Variants in PCDHGA10 observed in about 807,000 individuals in gnomAD.
PCDHGA10 encodes protocadherin gamma subfamily A, 10.
PCDHGA10 carries 42 observed loss-of-function variants against 59.5 expected under a neutral mutation model. The observed-to-expected ratio is 0.71, with a 90% CI of 0.55 to 0.91. The LOEUF is 0.91. Ranked by LOEUF, PCDHGA10 falls within the 40% of genes least tolerant of loss-of-function variation. The probability of loss-of-function intolerance (pLI) is 0.00; values close to 1 mark genes in which losing one functional copy is unlikely to be tolerated. For missense variants in PCDHGA10, 1,111 were observed against 1,198.2 expected (o/e 0.93, Z 1.07); for synonymous variants, 511 against 517.2 (o/e 0.99, Z 0.16).
chr5:141,422,478 G>C, intron 1 of PCDHGA10: 1 of 1,613,914 alleles, frequency 6.2e-7, no homozygotes, highest in Non-Finnish European at 8.5e-7. Flanking sequence ...AGTTGGTCCA[G>C]AGCTACAATA....
intron 2 of PCDHGA10, among the ~76,000 whole-genome samples, chr5:141,497,809 G>A (rs1256990692): frequency 1.3e-5 from 2 of 152,190 alleles, no homozygotes. Context: ...CAAAGTGCTA[G>A]AATTACAGGT....
Position 141,476,876 on chromosome 5 carries a change from C to A in PCDHGA10, c.2437-17931C>A, listed in dbSNP as rs1201654822. 1.2e-6 allele frequency: 2 copies of A among 1,613,994 alleles called. No individual in the cohort carries two copies. Among genetic ancestry groups the A allele is most frequent in the Non-Finnish European group, 1.7e-6 (2 of 1,180,048 alleles). ...CCAGTCCTTGTACCGGGCGCGCGTC[C>A]TGGAGGATGCACCCTCCGGCACGCG... On this transcript the variant is annotated intron_variant, in intron 1 of 3. Transcript: ENST00000398610. The surrounding 1 kb of genome is among the most constrained non-coding windows in gnomAD (Gnocchi z 7.6).
chr5:141,463,596 C>T (rs922480221), intron 1 of PCDHGA10, among the ~76,000 whole-genome samples: 5 of 151,874 alleles, frequency 3.3e-5, no homozygotes, highest in Admixed American at 2.0e-4. Flanking sequence ...CTACAGGTGC[C>T]TGCCACCATG....
At chr5:141,483,797 G>GCTGCTTTT (rs1255394691) in intron 1 of PCDHGA10, among the ~76,000 whole-genome samples, 3 of 152,174 alleles carry the variant, frequency 2.0e-5, no homozygotes, top group Non-Finnish European at 4.4e-5. Context: ...TCCAGTTGTT[G>GCTGCTTTT]CTGCTTTTTT....
intron 1 of PCDHGA10, chr5:141,478,450 AGCCAGTCCACTGGCCAGCC>A (rs1562070520): frequency 6.2e-7 from 1 of 1,613,572 alleles, no homozygotes. Context: ...AACCTGGTGC[AGCCAGTCCACTGGCCAGCC>A]GCCAGAACAC....
intron 1 of PCDHGA10, among the ~76,000 whole-genome samples, chr5:141,460,070 T>C (rs547558436): frequency 2.0e-5 from 3 of 152,202 alleles, no homozygotes; most frequent in South Asian, 2.1e-4. Flanking sequence ...AGAGTGAGAC[T>C]TCATCTAAAA....
intron 2 of PCDHGA10, 99 bp downstream of exon 2, chr5:141,494,964 G>A (rs2099757882): frequency 1.3e-6 from 2 of 1,594,380 alleles, no homozygotes; most frequent in Non-Finnish European, 8.5e-7. Context: ...GCTACAGATG[G>A]CTTCTCCCTC....
chr5:141,449,932 A>T (rs1275797555), intron 1 of PCDHGA10, among the ~76,000 whole-genome samples: 6 of 151,660 alleles, frequency 4.0e-5, no homozygotes, highest in Non-Finnish European at 5.9e-5. Flanking sequence ...CATACCTTAT[A>T]GTATATTTTA....
In PCDHGA10 at chr5:141,489,621, T is replaced by C. The variant is rs765666746; in HGVS notation, c.2437-5186T>C. 29 of 1,613,978 alleles carry C rather than the reference T, an allele frequency of 1.8e-5. No individual in the cohort carries two copies. The highest frequency in any genetic ancestry group is 1.6e-4 in the Middle Eastern group (1 of 6,084). On this transcript the variant is annotated intron_variant, in intron 1 of 3. Transcript: ENST00000398610. The surrounding 1 kb of genome is among the most constrained non-coding windows in gnomAD (Gnocchi z 4.5). ...TAGAGGTAGAGATCCTGGATCTCAATGACAACTCTCCTAGCTTTGCCACCC... is the reference window on the plus strand; with the variant it reads ...TAGAGGTAGAGATCCTGGATCTCAACGACAACTCTCCTAGCTTTGCCACCC...
chr5:141,495,644 A>C (rs767670166), intron 2 of PCDHGA10, among the ~76,000 whole-genome samples: 1 of 151,770 alleles, frequency 6.6e-6, no homozygotes, highest in African/African-American at 2.4e-5. Flanking sequence ...TCATTTGTCT[A>C]CTTGCATTGA....
chr5:141,455,466 A>G (rs1253494886), intron 1 of PCDHGA10, among the ~76,000 whole-genome samples: 1 of 152,164 alleles, frequency 6.6e-6, no homozygotes, highest in East Asian at 1.9e-4. Flanking sequence ...AGCCAGGTAT[A>G]TATGCAGAGG....
chr5:141,496,916 T>C (rs1252437822), intron 2 of PCDHGA10, among the ~76,000 whole-genome samples: 4 of 148,274 alleles, frequency 2.7e-5, no homozygotes, highest in African/African-American at 9.9e-5. Context: ...CTGGGCACTG[T>C]GGTTCACGCC....
intron 1 of PCDHGA10, chr5:141,442,507 G>C (rs1394231840): frequency 1.3e-5 from 2 of 152,208 alleles, no homozygotes; most frequent in Non-Finnish European, 1.5e-5. Flanking sequence ...TATTCTAATT[G>C]CTTGGGCAGA....
chr5:141,438,122 A>T (rs1272350030), intron 1 of PCDHGA10, among the ~76,000 whole-genome samples: 1 of 152,214 alleles, frequency 6.6e-6, no homozygotes, highest in Non-Finnish European at 1.5e-5. Flanking sequence ...CATTCCTAAA[A>T]TATTAATGGC....
chr5:141,482,380 C>A (rs2099557573), intron 1 of PCDHGA10, among the ~76,000 whole-genome samples: 1 of 151,712 alleles, frequency 6.6e-6, no homozygotes, highest in Non-Finnish European at 1.5e-5. Context: ...ATATAAAGTC[C>A]CTGTATGGAG....
In PCDHGA10 at chr5:141,413,708, C is replaced by G; in HGVS notation, c.533C>G (p.Pro178Arg). The change falls in exon 1 of 4, where the codon CCC (proline) becomes CGC (arginine). Residue 178 changes from proline to arginine, a missense_variant. Physicochemically the swap from Pro to Arg is moderately radical, Grantham distance 103 (BLOSUM62 -2). Transcript: ENST00000398610. ...TCCCTGCAGAGCTATCAGCTCAGCC[C>G]CAATAAGCACTTCTCCCTAAGAGTT... is the stretch of plus-strand genomic sequence containing the variant. ...VNSLQSYQLS[P>R]NKHFSLRVQS... 1 of 1,613,664 alleles carries G rather than the reference C, an allele frequency of 6.2e-7. No homozygotes were observed. The highest frequency in any genetic ancestry group is 1.3e-5 in the African/African-American group (1 of 75,024).
rs373867677 is a variant in PCDHGA10 at position 141,432,049 on chromosome 5, G to A, written c.2436+16438G>A. The A allele has an allele frequency of 2.0e-5, 32 of 1,614,150 alleles. No individual in the cohort carries two copies. In the African/African-American group the frequency reaches 4.1e-4, roughly 21 times the overall value. ...TGACCGCCACTGACCGGGGAACCCC[G>A]CCCCTATCCACGGAAACTCATATCT... On this transcript the variant is annotated intron_variant, in intron 1 of 3. Coordinates refer to ENST00000398610, the MANE Select transcript of PCDHGA10 (RefSeq NM_018913.3). The surrounding 1 kb of genome is among the most constrained non-coding windows in gnomAD (Gnocchi z 6.0).
intron 1 of PCDHGA10, among the ~76,000 whole-genome samples, chr5:141,465,905 G>A (rs938438286): frequency 6.6e-6 from 1 of 151,958 alleles, no homozygotes; most frequent in Admixed American, 6.6e-5. Flanking sequence ...GGCAAATCAC[G>A]AGGTCAGGAT....
rs1167955962 is a variant in PCDHGA10, at chr5:141,477,078, A to G, written c.2437-17729A>G. ...GAGGACACCAAACTCCATGAGATTT[A>G]CATCCAGGCCAAAGACAAGGGCGCC... On this transcript the variant is annotated intron_variant, in intron 1 of 3. Transcript: ENST00000398610. This position sits in a 1 kb window ranked among gnomAD's most constrained non-coding sequence, Gnocchi z 4.9. The G allele has an allele frequency of 6.8e-6, 11 of 1,614,262 alleles. No individual in the cohort carries two copies. In the South Asian group the frequency reaches 1.2e-4, roughly 18 times the overall value.
Sources: allele counts gnomAD v4.1 joint callset (sites outside exome capture counted in the v4.1 genomes callset), GRCh38; gene constraint gnomAD v4.1.1; non-coding constraint Gnocchi (gnomAD v3.1); transcripts MANE v1.5; gene names NCBI Gene and HGNC (gene_info 2026-07-23, HGNC 2026-07-21).